Variants in HS6ST3 observed in about 807,000 individuals in gnomAD.
The protein encoded by HS6ST3 is heparan-sulfate 6-O-sulfotransferase 3.
A neutral mutation model predicts 36.7 loss-of-function variants in HS6ST3; 12 were observed. The ratio of observed to expected loss-of-function variants is 0.33; its 90% CI spans 0.21 to 0.53. The LOEUF is 0.53. HS6ST3 is among the 20% of genes least tolerant of loss of function. The pLI is 0.95. For synonymous variants in HS6ST3, 240 were observed against 257.5 expected, an observed-to-expected ratio of 0.93 and a Z score of 0.65; for missense variants, 584 against 640.9, an observed-to-expected ratio of 0.91 and a Z score of 0.96.
intron 1 of HS6ST3, among the ~76,000 whole-genome samples, chr13:96,566,576 C>T (rs2056282198): frequency 6.6e-6 from 1 of 152,002 alleles, no homozygotes; most frequent in Admixed American, 6.5e-5. Flanking sequence ...AGAAAAGACC[C>T]AGCACTGGGA....
chr13:96,361,899 G>T (rs1253000649), intron 1 of HS6ST3, among the ~76,000 whole-genome samples: 1 of 152,136 alleles, frequency 6.6e-6, no homozygotes, highest in Non-Finnish European at 1.5e-5. Flanking sequence ...TAGATCAGTG[G>T]TTCTCAATGT....
At chr13:96,373,497 A>T (rs529739750) in intron 1 of HS6ST3, among the ~76,000 whole-genome samples, 3 of 152,338 alleles carry the variant, frequency 2.0e-5, no homozygotes, top group South Asian at 4.1e-4. Flanking sequence ...TGAGAAGAGT[A>T]TAAATGTGAT....
At chr13:96,353,016 G>C (rs1356232857) in intron 1 of HS6ST3, among the ~76,000 whole-genome samples, 1 of 151,026 alleles carries the variant, frequency 6.6e-6, no homozygotes, top group African/African-American at 2.4e-5. Flanking sequence ...AGTGGAAAGA[G>C]GGTTGAGTGT....
Position 96,778,564 on chromosome 13 carries a change from GA to G in HS6ST3, c.708-53918del, listed in dbSNP as rs1413833266. ...ACATTTATGTGGCCAACAAACATTT[GA>G]AAAAAAATCATCATCACTGGTCATT... On this transcript the variant is annotated intron_variant, in intron 1 of 1. Coordinates refer to ENST00000376705, the MANE Select transcript of HS6ST3 (RefSeq NM_153456.4). Among the ~76,000 whole-genome samples, 3 of 151,842 alleles carry G rather than the reference GA, an allele frequency of 2.0e-5. No individual in the cohort carries two copies. In the East Asian group the frequency reaches 5.8e-4, roughly 29 times the overall value.
intron 1 of HS6ST3, among the ~76,000 whole-genome samples, chr13:96,704,010 C>T (rs1875356464): frequency 6.6e-6 from 1 of 152,178 alleles, no homozygotes; most frequent in Non-Finnish European, 1.5e-5. Flanking sequence ...GCCTCCCCAG[C>T]CATGTAGAAC....
At chr13:96,672,708 T>C (rs2056686579) in intron 1 of HS6ST3, among the ~76,000 whole-genome samples, 1 of 152,178 alleles carries the variant, frequency 6.6e-6, no homozygotes, top group African/African-American at 2.4e-5. Context: ...AGACTTGGAA[T>C]ATCTGAATAT....
chr13:96,773,378 G>A (rs545831310), intron 1 of HS6ST3, among the ~76,000 whole-genome samples: 14 of 152,118 alleles, frequency 9.2e-5, no homozygotes, highest in Non-Finnish European at 1.6e-4. Context: ...TAGCTCAGTG[G>A]GCCCCCTATG....
intron 1 of HS6ST3, among the ~76,000 whole-genome samples, chr13:96,671,322 C>T (rs1397461598): frequency 6.6e-6 from 1 of 152,094 alleles, no homozygotes; most frequent in East Asian, 1.9e-4. Context: ...TGGCTCATTT[C>T]CTACACCAGT....
intron 1 of HS6ST3, among the ~76,000 whole-genome samples, chr13:96,114,969 T>C (rs533900183): frequency 3.5e-4 from 54 of 152,198 alleles, no homozygotes; most frequent in African/African-American, 1.2e-3. Context: ...GGTGTGACTT[T>C]TTGATTACTG....
intron 1 of HS6ST3, among the ~76,000 whole-genome samples, chr13:96,537,187 G>A (rs899144696): frequency 5.3e-5 from 8 of 152,178 alleles, no homozygotes; most frequent in East Asian, 3.9e-4. Flanking sequence ...CTTATCTTAC[G>A]TGGAAGCAGG....
At chr13:96,492,845 A>G (rs1307625000) in intron 1 of HS6ST3, among the ~76,000 whole-genome samples, 1 of 152,162 alleles carries the variant, frequency 6.6e-6, no homozygotes, top group Non-Finnish European at 1.5e-5. Flanking sequence ...AATTTCTGTT[A>G]TAAGAGAAGA....
chr13:96,357,700 C>T (rs73550679), intron 1 of HS6ST3, among the ~76,000 whole-genome samples: 19,041 of 152,008 alleles, frequency 0.13, 1,390 homozygotes, highest in Middle Eastern at 0.22. Context: ...GTAGCTGGGA[C>T]TACAGGTTAC....
chr13:96,377,368 CA>C (rs1207857674), intron 1 of HS6ST3, among the ~76,000 whole-genome samples: 1 of 151,844 alleles, frequency 6.6e-6, no homozygotes, highest in African/African-American at 2.4e-5. Flanking sequence ...ACAACAACAA[CA>C]ACAATAATAA....
At chr13:96,223,570 CAG>C (rs1340038702) in intron 1 of HS6ST3, among the ~76,000 whole-genome samples, 1 of 152,088 alleles carries the variant, frequency 6.6e-6, no homozygotes, top group Admixed American at 6.5e-5. Context: ...ACGGATGGAC[CAG>C]AGCAATTGCT....
Position 96,803,118 on chromosome 13 carries a change from C to A in HS6ST3, c.708-29372C>A, listed in dbSNP as rs114993379. Among the ~76,000 whole-genome samples the A allele has an allele frequency of 6.4e-3, 974 of 152,256 alleles. 14 individuals are homozygous for A. Among genetic ancestry groups the A allele is most frequent in the African/African-American group, 0.022 (901 of 41,550 alleles). On this transcript the variant is annotated intron_variant, in intron 1 of 1. Coordinates refer to ENST00000376705, the MANE Select transcript of HS6ST3 (RefSeq NM_153456.4). ...CCAACTGCTCTGGTTGTCGGAGTTA[C>A]CCATGGGATACAATTAATAGCACCA... is the stretch of plus-strand genomic sequence containing the variant.
chr13:96,468,646 GC>G (rs1290292457), intron 1 of HS6ST3, among the ~76,000 whole-genome samples: 1 of 152,102 alleles, frequency 6.6e-6, no homozygotes, highest in East Asian at 1.9e-4. Flanking sequence ...CCCAACATGT[GC>G]CCACTAAGAG....
At chr13:96,411,342 G>A (rs901873653) in intron 1 of HS6ST3, among the ~76,000 whole-genome samples, 3 of 152,142 alleles carry the variant, frequency 2.0e-5, no homozygotes, top group Non-Finnish European at 2.9e-5. Context: ...ACACAGAGGA[G>A]CCAGAGAGTT....
intron 1 of HS6ST3, among the ~76,000 whole-genome samples, chr13:96,419,846 A>G (rs571239298): frequency 2.1e-4 from 32 of 152,170 alleles, no homozygotes; most frequent in Admixed American, 1.6e-3. Context: ...TCTTCCTATA[A>G]GGACACCAGT....
chr13:96,744,125 A>T (rs1594850241), intron 1 of HS6ST3, among the ~76,000 whole-genome samples: 1 of 152,070 alleles, frequency 6.6e-6, no homozygotes, highest in African/African-American at 2.4e-5. Context: ...TAAAATGCAT[A>T]GACTCCAAGA....
Sources: allele counts gnomAD v4.1 joint callset (sites outside exome capture counted in the v4.1 genomes callset), GRCh38; gene constraint gnomAD v4.1.1; transcripts MANE v1.5; gene names NCBI Gene and HGNC (gene_info 2026-07-23, HGNC 2026-07-21).